SNRPB: variants seen among roughly 807,000 people sequenced by gnomAD.
SNRPB encodes the protein small nuclear ribonucleoprotein polypeptides B and B1, also known as small nuclear ribonucleoprotein-associated proteins B and B'.
In SNRPB, 5 loss-of-function variants were observed where a neutral mutation model predicts 26.6. That is an observed-to-expected ratio of 0.19 (90% confidence interval 0.10 to 0.39). The LOEUF is 0.39. SNRPB is among the 10% of genes least tolerant of loss of function. The pLI is 1.00. For missense variants in SNRPB, 211 were observed against 311.9 expected, an observed-to-expected ratio of 0.68 and a Z score of 2.44; for synonymous variants, 122 against 105.8, an observed-to-expected ratio of 1.15 and a Z score of -0.94.
chr20:2,468,040 A>C (rs1367911201), intron 1 of SNRPB, among the ~76,000 whole-genome samples: 1 of 152,214 alleles, frequency 6.6e-6, no homozygotes, highest in Non-Finnish European at 1.5e-5. Flanking sequence ...CAGGGATGAG[A>C]GTATAGGGTG....
At chr20:2,466,516 T>C (rs544291283) in intron 2 of SNRPB, among the ~76,000 whole-genome samples, 1 of 151,954 alleles carries the variant, frequency 6.6e-6, no homozygotes, top group Non-Finnish European at 1.5e-5. Flanking sequence ...GGGGAAAAAA[T>C]AGCCTGATTT....
intron 1 of SNRPB, among the ~76,000 whole-genome samples, chr20:2,470,444 G>A (rs2085106512): frequency 6.6e-6 from 1 of 152,222 alleles, no homozygotes; most frequent in Non-Finnish European, 1.5e-5. Flanking sequence ...GTCGAGAGCC[G>A]CGGTTCTACC....
In SNRPB at chr20:2,470,749, C is replaced by T. The variant is rs573415474; in HGVS notation, c.-59G>A. On this transcript the variant is annotated 5_prime_UTR_variant, in exon 1 of 7. Transcript: ENST00000381342. ...ATTCGCCTCCTCAGAGGCCTAGCCT[C>T]TCTCCCACAGCCGATTTCCCGCCGC... 2.7e-5 allele frequency: 44 copies of T among 1,605,378 alleles called. No individual in the cohort carries two copies. The South Asian group carries it at 4.1e-4, about 15-fold the overall frequency.
In SNRPB at chr20:2,463,251, G is replaced by A. The variant is rs762607869; in HGVS notation, c.421-24C>T. 1.9e-6 allele frequency: 3 copies of A among 1,596,140 alleles called. No homozygotes were observed. In the South Asian group the frequency reaches 3.3e-5, roughly 18 times the overall value. ...ACCTAAGAGGACATAAGAAGAAAGA[G>A]TTAGAAGAGTACAGTACAATGCAGC... On this transcript the variant is annotated intron_variant, in intron 4 of 6. Transcript: ENST00000381342. This position sits in a 1 kb window ranked among gnomAD's most constrained non-coding sequence, Gnocchi z 5.0.
Position 2,463,748 on chromosome 20 carries a change from T to C in SNRPB, c.419A>G (p.Gln140Arg). 6.3e-7 allele frequency: 1 copy of C among 1,582,664 alleles called. No individual in the cohort carries two copies. Among genetic ancestry groups the C allele is most frequent in the Non-Finnish European group, 8.6e-7 (1 of 1,168,092 alleles). ...GGTACCCTTTCCCCAACTCCTCACC[T>C]GTTGGGATGGCCCGCCAACCCCACG... ...PVRGVGGPSQ[Q>R]VMTPQGRGTV... The change falls in exon 4 of 7, where the codon CAG becomes CGG. Residue 140 changes from glutamine (Q) to arginine (R), a missense_variant and splice_region_variant. Gln to Arg is a conservative substitution (Grantham distance 43). Coordinates refer to ENST00000381342, the MANE Select transcript of SNRPB (RefSeq NM_003091.4). The surrounding 1 kb of genome is among the most constrained non-coding windows in gnomAD (Gnocchi z 5.0).
chr20:2,465,048 T>C (rs2085063057), intron 3 of SNRPB, among the ~76,000 whole-genome samples: 1 of 152,230 alleles, frequency 6.6e-6, no homozygotes, highest in East Asian at 1.9e-4. Flanking sequence ...CTTGGGCAAG[T>C]TACTAAGCCC....
Position 2,461,815 on chromosome 20 carries a change from C to A in SNRPB, c.*114G>T. ...GGCCCTGTAAGGGAAACCAGACAAT[C>A]CCATGAGACTCCACGAACAACAGCA... On this transcript the variant is annotated 3_prime_UTR_variant, in exon 7 of 7. Transcript: ENST00000381342. 6.2e-7 allele frequency: 1 copy of A among 1,613,754 alleles called. No individual in the cohort carries two copies. Among genetic ancestry groups the A allele is most frequent in the Non-Finnish European group, 8.5e-7 (1 of 1,179,816 alleles).
rs1367420513 is a variant in SNRPB, at chr20:2,470,696, C to T, written c.-6G>A. 6.2e-7 allele frequency: 1 copy of T among 1,613,528 alleles called. No homozygotes were observed. Among genetic ancestry groups the T allele is most frequent in the Non-Finnish European group, 8.5e-7 (1 of 1,180,016 alleles). On this transcript the variant is annotated 5_prime_UTR_variant, in exon 1 of 7. Coordinates refer to ENST00000381342, the MANE Select transcript of SNRPB (RefSeq NM_003091.4). ...GCCTGTGCCCTCCTTACCATGGTGG[C>T]GGTTCTGATGGCTCTGATACCCGCC...
chr20:2,467,783 G>A, intron 1 of SNRPB, 25 bp from the exon 2 acceptor site: 1 of 1,610,452 alleles, frequency 6.2e-7, no homozygotes, highest in Non-Finnish European at 8.5e-7. Flanking sequence ...GGACAGGGAT[G>A]AGACTCTGCT....
chr20:2,463,185 C>A lies in SNRPB; in HGVS notation c.463G>T (p.Ala155Ser), dbSNP rs903609200. The part of the protein sequence containing the change: ...QGRGTVAAAA[A>S]AATASIAGAP... ...CCGGCAATACTGGCTGTGGCAGCAG[C>A]TGCAGCGGCTGCAACAGTACCTCTT... The change falls in exon 5 of 7, where the codon GCT becomes TCT. Residue 155 changes from alanine (A) to serine (S), a missense_variant. Physicochemically the swap from Ala to Ser is moderately conservative, Grantham distance 99. Coordinates refer to ENST00000381342, the MANE Select transcript of SNRPB (RefSeq NM_003091.4). This position sits in a 1 kb window ranked among gnomAD's most constrained non-coding sequence, Gnocchi z 5.0. 3 of 1,612,682 alleles carry A rather than the reference C, an allele frequency of 1.9e-6. No homozygotes were observed. The highest frequency in any genetic ancestry group is 1.7e-6 in the Non-Finnish European group (2 of 1,178,880).
chr20:2,466,265 A>G (rs866422965), intron 2 of SNRPB, among the ~76,000 whole-genome samples: 1 of 152,240 alleles, frequency 6.6e-6, no homozygotes, highest in African/African-American at 2.4e-5. Flanking sequence ...TCACAGGCCT[A>G]TAATTCTGCC....
Position 2,462,627 on chromosome 20 carries a change from G to A in SNRPB, c.685+9C>T, listed in dbSNP as rs760985469. On this transcript the variant is annotated intron_variant, in intron 6 of 6. Transcript: ENST00000381342. Reference sequence around the variant, plus strand: ...GAAAGAAGCCAAAGTCACCACTGCAGGCACTTACCTCGCATCCCAGGGGGA... The same window carrying A: ...GAAAGAAGCCAAAGTCACCACTGCAAGCACTTACCTCGCATCCCAGGGGGA... 1.2e-6 allele frequency: 2 copies of A among 1,612,598 alleles called. No individual in the cohort carries two copies. The highest frequency in any genetic ancestry group is 1.7e-5 in the Admixed American group (1 of 59,998).
intron 2 of SNRPB, among the ~76,000 whole-genome samples, chr20:2,466,625 TA>T (rs1163561489): frequency 2.6e-5 from 4 of 152,244 alleles, no homozygotes; most frequent in Non-Finnish European, 5.9e-5. Flanking sequence ...CACATTTTCT[TA>T]TTTTTTAAAA....
intron 2 of SNRPB, 23 bp downstream of exon 2, chr20:2,467,584 G>A (rs377344824): frequency 8.0e-5 from 129 of 1,608,188 alleles, no homozygotes; most frequent in Middle Eastern, 1.7e-4. Context: ...TCCAGTCTCC[G>A]CCCCCCACAG....
intron 3 of SNRPB, among the ~76,000 whole-genome samples, chr20:2,465,157 C>T (rs959908590): frequency 6.6e-6 from 1 of 152,182 alleles, no homozygotes; most frequent in Admixed American, 6.5e-5. Context: ...TTCTCAGTAA[C>T]TATGAACTGT....
At chr20:2,470,619 G>A in intron 1 of SNRPB, 69 bp downstream of exon 1, 6 of 1,600,324 alleles carry the variant, frequency 3.7e-6, no homozygotes, top group South Asian at 1.1e-5. Flanking sequence ...CTTCCTCCCC[G>A]ATCAGTCGCG....
intron 6 of SNRPB, among the ~76,000 whole-genome samples, chr20:2,462,212 G>C (rs2085039473): frequency 6.6e-6 from 1 of 152,134 alleles, no homozygotes; most frequent in Non-Finnish European, 1.5e-5. Context: ...AACTCCCTGG[G>C]GGCCTATTTT....
intron 1 of SNRPB, 82 bp downstream of exon 1, chr20:2,470,606 C>T (rs1469759543): frequency 1.3e-6 from 2 of 1,580,170 alleles, no homozygotes; most frequent in South Asian, 1.1e-5. Context: ...CTCCAACCCA[C>T]GGCTTCCTCC....
intron 1 of SNRPB, among the ~76,000 whole-genome samples, chr20:2,468,048 G>T (rs1312211481): frequency 5.3e-5 from 8 of 152,122 alleles, no homozygotes; most frequent in Admixed American, 5.2e-4. Flanking sequence ...AGAGTATAGG[G>T]TGTCCCCAAA....
Sources: gnomAD v4.1 joint callset for allele counts (sites outside exome capture counted in the v4.1 genomes callset) on GRCh38, gnomAD v4.1.1 for gene constraint, Gnocchi (gnomAD v3.1) non-coding constraint, MANE v1.5 for transcripts, NCBI Gene and HGNC (gene_info 2026-07-23, HGNC 2026-07-21) for gene names.